Variants in ADAMTSL1 observed in about 807,000 individuals in gnomAD.
ADAMTSL1 encodes the protein ADAMTS-like protein 1.
Under a neutral mutation model 201.8 loss-of-function variants are expected in ADAMTSL1, and 126 were observed. That is an observed-to-expected ratio of 0.62 (90% CI 0.54 to 0.72). ADAMTSL1 has a LOEUF of 0.72. Ranked by LOEUF, ADAMTSL1 falls within the 30% of genes least tolerant of loss-of-function variation. ADAMTSL1 has a pLI of 0.00. For missense variants in ADAMTSL1, 2,679 were observed against 2,277.8 expected, an observed-to-expected ratio of 1.18 and a Z score of -3.59; for synonymous variants, 1,121 against 903.4, an observed-to-expected ratio of 1.24 and a Z score of -4.32.
chr9:18,453,942 A>T (rs1820509894), intron 2 of ADAMTSL1, among the ~76,000 whole-genome samples: 1 of 152,194 alleles, frequency 6.6e-6, no homozygotes, highest in South Asian at 2.1e-4. Flanking sequence ...TTCCTCTAGA[A>T]CCACTCGTAG....
intron 1 of ADAMTSL1, among the ~76,000 whole-genome samples, chr9:17,923,272 A>G (rs1273760492): frequency 1.3e-5 from 2 of 150,108 alleles, no homozygotes; most frequent in African/African-American, 4.9e-5. Context: ...CCTACCCATG[A>G]GCATGGAATG....
chr9:17,994,056 A>G (rs2131508481), intron 1 of ADAMTSL1, among the ~76,000 whole-genome samples: 1 of 151,548 alleles, frequency 6.6e-6, no homozygotes, highest in Middle Eastern at 3.4e-3. Flanking sequence ...CCCTCATTAC[A>G]GATTATTGCT....
chr9:18,646,905 A>G (rs1201103517), intron 7 of ADAMTSL1, among the ~76,000 whole-genome samples: 2 of 152,242 alleles, frequency 1.3e-5, no homozygotes, highest in East Asian at 3.9e-4. Context: ...AGGCCTCATC[A>G]AATGAGTTAG....
chr9:18,268,245 T>C (rs935584625), intron 2 of ADAMTSL1, among the ~76,000 whole-genome samples: 1 of 152,178 alleles, frequency 6.6e-6, no homozygotes, highest in South Asian at 2.1e-4. Context: ...TAGTTTGAGG[T>C]TGAGTCACTG....
intron 20 of ADAMTSL1, among the ~76,000 whole-genome samples, chr9:18,812,420 C>A (rs909389100): frequency 6.6e-6 from 1 of 152,136 alleles, no homozygotes; most frequent in Non-Finnish European, 1.5e-5. Flanking sequence ...CCTCTCACAT[C>A]TTACATAAAA....
intron 3 of ADAMTSL1, among the ~76,000 whole-genome samples, chr9:18,568,296 A>C (rs1041073100): frequency 1.3e-5 from 2 of 152,344 alleles, no homozygotes; most frequent in Admixed American, 1.3e-4. Context: ...AAAGATACAG[A>C]AAGCCAAGTA....
At chr9:18,630,556 AG>A (rs1413509360) in intron 5 of ADAMTSL1, among the ~76,000 whole-genome samples, 2 of 152,128 alleles carry the variant, frequency 1.3e-5, no homozygotes, top group Non-Finnish European at 2.9e-5. Context: ...TGAGCTCTAC[AG>A]GTCTTCATAC....
At chr9:18,488,678 C>T (rs905198386) in intron 1 of ADAMTSL1, among the ~76,000 whole-genome samples, 13 of 152,272 alleles carry the variant, frequency 8.5e-5, no homozygotes, top group African/African-American at 3.1e-4. Flanking sequence ...CACAGTACCC[C>T]ACACAGGTAG....
At chr9:18,342,434 T>C (rs771602887) in intron 2 of ADAMTSL1, among the ~76,000 whole-genome samples, 3 of 152,142 alleles carry the variant, frequency 2.0e-5, no homozygotes, top group Non-Finnish European at 4.4e-5. Flanking sequence ...GAGAGTAGCA[T>C]GGCAAAAGGA....
intron 2 of ADAMTSL1, among the ~76,000 whole-genome samples, chr9:18,341,377 C>G (rs796711214): frequency 9.9e-5 from 15 of 152,252 alleles, no homozygotes; most frequent in African/African-American, 3.1e-4. Context: ...TACCCTTTAT[C>G]TTCCTAACTT....
intron 2 of ADAMTSL1, among the ~76,000 whole-genome samples, chr9:18,272,492 A>T (rs1832415024): frequency 6.6e-6 from 1 of 152,196 alleles, no homozygotes; most frequent in Non-Finnish European, 1.5e-5. Flanking sequence ...TAGACCTAAA[A>T]CCATAAAAAC....
intron 2 of ADAMTSL1, among the ~76,000 whole-genome samples, chr9:18,369,491 A>G (rs1260699738): frequency 6.6e-6 from 1 of 152,224 alleles, no homozygotes; most frequent in African/African-American, 2.4e-5. Flanking sequence ...AGTGTTGGTT[A>G]GGATGCAGAA....
intron 2 of ADAMTSL1, among the ~76,000 whole-genome samples, chr9:18,434,187 T>C (rs1341142520): frequency 2.0e-5 from 3 of 152,190 alleles, no homozygotes; most frequent in Non-Finnish European, 4.4e-5. Context: ...ACTCTAGAAG[T>C]TTTTAAAATT....
At chr9:18,760,039 T>A (rs1487585837) in intron 16 of ADAMTSL1, among the ~76,000 whole-genome samples, 2 of 152,124 alleles carry the variant, frequency 1.3e-5, no homozygotes, top group East Asian at 3.9e-4. Context: ...TGTTTCTAAG[T>A]TACCTCAAAC....
rs145307916 is a variant in ADAMTSL1 at position 17,983,415 on chromosome 9, A to G, written c.87+76493A>G. ...CCTAGGTGATCTTAATGTGTGGCCA[A>G]GATTGAGAACCTCTTCCTTATTGGG... On this transcript the variant is annotated intron_variant, in intron 1 of 29. Coordinates refer to the ADAMTSL1 transcript ENST00000680146. 4.6e-3 allele frequency among the ~76,000 whole-genome samples: 697 copies of G among 152,276 alleles called. 5 individuals carry two copies. Among genetic ancestry groups the G allele is most frequent in the African/African-American group, 0.016 (673 of 41,568 alleles).
At chr9:18,517,430 T>TA (rs59495856) in intron 2 of ADAMTSL1, among the ~76,000 whole-genome samples, 1 of 152,082 alleles carries the variant, frequency 6.6e-6, no homozygotes, top group African/African-American at 2.4e-5. Flanking sequence ...TATTTTTTTT[T>TA]ATTATACTTT....
At chr9:18,842,632 G>A (rs915132986) in intron 23 of ADAMTSL1, among the ~76,000 whole-genome samples, 11 of 152,154 alleles carry the variant, frequency 7.2e-5, no homozygotes, top group African/African-American at 2.7e-4. Context: ...AATGTTGACA[G>A]TGGGGCGTTA....
At chr9:18,808,666 C>A (rs1299454175) in intron 20 of ADAMTSL1, among the ~76,000 whole-genome samples, 3 of 152,178 alleles carry the variant, frequency 2.0e-5, no homozygotes, top group African/African-American at 7.2e-5. Flanking sequence ...TCCCCACTGG[C>A]ACAGTTGTTT....
intron 1 of ADAMTSL1, among the ~76,000 whole-genome samples, chr9:18,160,340 A>C (rs1208998592): frequency 6.6e-6 from 1 of 152,010 alleles, no homozygotes; most frequent in African/African-American, 2.4e-5. Flanking sequence ...TCCTTACCCT[A>C]TTCCTGCGAG....
Sources: gnomAD v4.1 joint callset for allele counts (sites outside exome capture counted in the v4.1 genomes callset) on GRCh38, gnomAD v4.1.1 for gene constraint, MANE v1.5 for transcripts, NCBI Gene and HGNC (gene_info 2026-07-23, HGNC 2026-07-21) for gene names.